MLLT3: variants seen among roughly 807,000 people sequenced by gnomAD.
The protein encoded by MLLT3 is protein AF-9.
In MLLT3, 4 loss-of-function variants were observed where a neutral mutation model predicts 53.2. That is an observed-to-expected ratio of 0.08 (90% CI 0.04 to 0.17). MLLT3 has a LOEUF of 0.17. MLLT3 is among the 10% of genes least tolerant of loss of function. The pLI, the probability that MLLT3 is intolerant of heterozygous loss-of-function variation, is 1.00. For synonymous variants in MLLT3, 283 were observed against 230.6 expected, an observed-to-expected ratio of 1.23 and a Z score of -2.06; for missense variants, 569 against 684.0, an observed-to-expected ratio of 0.83 and a Z score of 1.87.
At chr9:20,558,382 C>G (rs1342151490) in intron 2 of MLLT3, among the ~76,000 whole-genome samples, 4 of 152,132 alleles carry the variant, frequency 2.6e-5, no homozygotes, top group African/African-American at 7.2e-5. Flanking sequence ...ATCTGCCTGC[C>G]TGCCTGCCTC....
At chr9:20,398,849 C>A (rs1171965639) in intron 5 of MLLT3, among the ~76,000 whole-genome samples, 1 of 152,038 alleles carries the variant, frequency 6.6e-6, no homozygotes. Context: ...GTCCTTGCTG[C>A]CCCTGTGTTA....
At chr9:20,362,867 G>GT (rs2118640345) in intron 7 of MLLT3, 1 of 152,134 alleles carries the variant, frequency 6.6e-6, no homozygotes, top group African/African-American at 2.4e-5. Context: ...ATGCCTATTT[G>GT]TTTTCTTCAT....
chr9:20,584,996 T>A (rs1055431614), intron 2 of MLLT3, among the ~76,000 whole-genome samples: 13 of 152,346 alleles, frequency 8.5e-5, no homozygotes, highest in African/African-American at 3.1e-4. Context: ...TGTGTGGACA[T>A]AAGTTTTCAA....
intron 8 of MLLT3, among the ~76,000 whole-genome samples, chr9:20,355,913 C>T (rs537876140): frequency 1.1e-4 from 17 of 152,244 alleles, no homozygotes; most frequent in African/African-American, 3.6e-4. Context: ...TACCACATTC[C>T]GTAACATAAA....
At chr9:20,586,559 G>C (rs1819969703) in intron 2 of MLLT3, among the ~76,000 whole-genome samples, 1 of 152,264 alleles carries the variant, frequency 6.6e-6, no homozygotes, top group Non-Finnish European at 1.5e-5. Flanking sequence ...CTGAAAAAGA[G>C]AGGCAGAAGT....
intron 2 of MLLT3, among the ~76,000 whole-genome samples, chr9:20,566,002 ATATATATATTTT>A (rs1221598934): frequency 8.8e-4 from 114 of 129,140 alleles, no homozygotes; most frequent in African/African-American, 3.0e-3. Context: ...ATATTTATTT[ATATATATATTTT>A]TATATATATT....
At chr9:20,591,892 G>A (rs148454641) in intron 2 of MLLT3, among the ~76,000 whole-genome samples, 7 of 152,266 alleles carry the variant, frequency 4.6e-5, no homozygotes, top group African/African-American at 7.2e-5. Flanking sequence ...AGCCAGGTAC[G>A]GTGGCACACT....
At chr9:20,612,875 T>C (rs1198492148) in intron 2 of MLLT3, among the ~76,000 whole-genome samples, 2 of 152,134 alleles carry the variant, frequency 1.3e-5, no homozygotes, top group Non-Finnish European at 2.9e-5. Flanking sequence ...TTTAGAGCAA[T>C]CTGACAGCAG....
At chr9:20,526,644 C>T (rs1818212136) in intron 2 of MLLT3, among the ~76,000 whole-genome samples, 1 of 152,174 alleles carries the variant, frequency 6.6e-6, no homozygotes, top group Non-Finnish European at 1.5e-5. Context: ...TTGTACATGT[C>T]TTGTACATGT....
intron 5 of MLLT3, among the ~76,000 whole-genome samples, chr9:20,379,604 T>G (rs1001301842): frequency 6.6e-6 from 1 of 152,090 alleles, no homozygotes; most frequent in Non-Finnish European, 1.5e-5. Context: ...ACTTAATTTT[T>G]CCCCTTAGGG....
chr9:20,552,473 G>C (rs557382767), intron 2 of MLLT3, among the ~76,000 whole-genome samples: 1 of 152,222 alleles, frequency 6.6e-6, no homozygotes, highest in African/African-American at 2.4e-5. Context: ...ACCACTAGCA[G>C]CTAGACTCTA....
chr9:20,514,695 G>T (rs1817859018), intron 2 of MLLT3, among the ~76,000 whole-genome samples: 1 of 151,996 alleles, frequency 6.6e-6, no homozygotes, highest in Admixed American at 6.5e-5. Flanking sequence ...TATGACCTAG[G>T]GCAAGATAGA....
At chr9:20,456,578 G>A (rs2118861506) in intron 3 of MLLT3, 126 bp downstream of exon 3, 1 of 678,402 alleles carries the variant, frequency 1.5e-6, no homozygotes, top group East Asian at 2.9e-5. Context: ...ATTCCTAGAA[G>A]ACAAATTTAA....
chr9:20,614,793 T>C (rs1820783580), intron 2 of MLLT3, among the ~76,000 whole-genome samples: 1 of 151,952 alleles, frequency 6.6e-6, no homozygotes, highest in Non-Finnish European at 1.5e-5. Context: ...ACTGTAAAAG[T>C]GATGTTATGT....
At chr9:20,363,702 G>C in intron 6 of MLLT3, 97 bp from the exon 7 acceptor site, 1 of 1,123,532 alleles carries the variant, frequency 8.9e-7, no homozygotes, top group Non-Finnish European at 1.2e-6. Flanking sequence ...CTGAACACTG[G>C]TTAAAAATAA....
intron 5 of MLLT3, among the ~76,000 whole-genome samples, chr9:20,370,001 A>G (rs1821555905): frequency 6.6e-6 from 1 of 152,196 alleles, no homozygotes; most frequent in Non-Finnish European, 1.5e-5. Context: ...CCTGTTTGTA[A>G]AATATCAAAA....
intron 2 of MLLT3, among the ~76,000 whole-genome samples, chr9:20,569,212 T>G (rs1027943392): frequency 6.6e-6 from 1 of 152,176 alleles, no homozygotes; most frequent in African/African-American, 2.4e-5. Flanking sequence ...GAATGCTTAC[T>G]TATGTGCCTC....
chr9:20,494,023 T>A (rs1825016346), intron 2 of MLLT3, among the ~76,000 whole-genome samples: 1 of 152,102 alleles, frequency 6.6e-6, no homozygotes, highest in Non-Finnish European at 1.5e-5. Context: ...AATTCTCAGA[T>A]AGAAACTAAC....
At chr9:20,538,405 C>G (rs1023238597) in intron 2 of MLLT3, among the ~76,000 whole-genome samples, 9 of 152,176 alleles carry the variant, frequency 5.9e-5, no homozygotes, top group Non-Finnish European at 8.8e-5. Context: ...CAATCTGGCT[C>G]CAGAGTCTTA....
Sources: allele counts gnomAD v4.1 joint callset (sites outside exome capture counted in the v4.1 genomes callset), GRCh38; gene constraint gnomAD v4.1.1; transcripts MANE v1.5; gene names NCBI Gene and HGNC (gene_info 2026-07-23, HGNC 2026-07-21).